KCNIP4: variants seen among roughly 807,000 people sequenced by gnomAD.
KCNIP4 encodes the protein Kv channel-interacting protein 4.
A neutral mutation model predicts 34.0 loss-of-function variants in KCNIP4; 12 were observed. That is an observed-to-expected ratio of 0.35 (90% CI 0.23 to 0.57). The LOEUF (loss-of-function observed/expected upper bound fraction) is 0.57. KCNIP4 is among the 20% of genes least tolerant of loss of function. KCNIP4 has a pLI of 0.83. For synonymous variants in KCNIP4, 124 were observed against 102.2 expected (o/e 1.21, Z -1.29); for missense variants, 238 against 311.7 (o/e 0.76, Z 1.78).
chr4:21,092,938 C>A (rs4574406), intron 1 of KCNIP4, among the ~76,000 whole-genome samples: 25,573 of 152,156 alleles, frequency 0.17, 2,220 homozygotes, highest in East Asian at 0.24. Context: ...GTATTTGATA[C>A]AAGGTAAAAT....
At chr4:21,220,249 C>T (rs376725825) in intron 1 of KCNIP4, among the ~76,000 whole-genome samples, 2 of 152,186 alleles carry the variant, frequency 1.3e-5, no homozygotes, top group Admixed American at 6.5e-5. Flanking sequence ...CCAGCTCTAA[C>T]CATGGGCACA....
intron 1 of KCNIP4, among the ~76,000 whole-genome samples, chr4:21,449,086 G>A (rs769567622): frequency 3.4e-4 from 52 of 152,164 alleles, no homozygotes; most frequent in Middle Eastern, 3.2e-3. Flanking sequence ...AGCAGTCAGG[G>A]GCCCAGGCCC....
intron 1 of KCNIP4, among the ~76,000 whole-genome samples, chr4:21,089,094 C>T (rs548413314): frequency 1.6e-4 from 24 of 152,208 alleles, no homozygotes; most frequent in African/African-American, 5.1e-4. Flanking sequence ...AAAATTTTAG[C>T]AAGTTTTACC....
intron 1 of KCNIP4, among the ~76,000 whole-genome samples, chr4:21,294,442 G>A (rs1763721944): frequency 6.6e-6 from 1 of 152,162 alleles, no homozygotes; most frequent in African/African-American, 2.4e-5. Context: ...CTGTGTACCA[G>A]TAAACCTTCC....
intron 1 of KCNIP4, among the ~76,000 whole-genome samples, chr4:21,047,593 G>C (rs375986294): frequency 5.3e-5 from 8 of 152,148 alleles, no homozygotes; most frequent in African/African-American, 1.9e-4. Context: ...CCAAACGTAT[G>C]TATCATCACC....
At chr4:20,864,166 A>G (rs1174990048) in intron 2 of KCNIP4, among the ~76,000 whole-genome samples, 2 of 71,670 alleles carry the variant, frequency 2.8e-5, no homozygotes, top group African/African-American at 6.9e-5. Flanking sequence ...ATACACATGT[A>G]TGTATACACA....
At chr4:20,913,349 G>A (rs1728506791) in intron 1 of KCNIP4, among the ~76,000 whole-genome samples, 1 of 152,114 alleles carries the variant, frequency 6.6e-6, no homozygotes, top group Non-Finnish European at 1.5e-5. Context: ...CATAAAGATA[G>A]AAAGCTGATG....
intron 1 of KCNIP4, among the ~76,000 whole-genome samples, chr4:21,863,051 C>T (rs1725187831): frequency 6.6e-6 from 1 of 151,886 alleles, no homozygotes; most frequent in African/African-American, 2.4e-5. Context: ...TTAATACCAC[C>T]AGTTTCATCA....
At chr4:21,400,500 T>TCTCCTCTCCTCTCCTCTCTTCTCCAC (rs1560369068) in intron 1 of KCNIP4, among the ~76,000 whole-genome samples, 2 of 103,286 alleles carry the variant, frequency 1.9e-5, no homozygotes, top group East Asian at 4.0e-4. Flanking sequence ...CTCCCCTCCC[T>TCTCCTCTCCTCTCCTCTCTTCTCCAC]TCCCCTCCCT....
intron 1 of KCNIP4, among the ~76,000 whole-genome samples, chr4:20,959,143 T>A (rs1345573887): frequency 6.6e-6 from 1 of 152,200 alleles, no homozygotes; most frequent in Non-Finnish European, 1.5e-5. Context: ...TCATGTGCAC[T>A]AAGGCTGCTA....
At chr4:21,036,533 A>G (rs1257161489) in intron 1 of KCNIP4, among the ~76,000 whole-genome samples, 1 of 152,176 alleles carries the variant, frequency 6.6e-6, no homozygotes, top group African/African-American at 2.4e-5. Flanking sequence ...AGAGTACTCT[A>G]TTTTGGCACT....
intron 1 of KCNIP4, among the ~76,000 whole-genome samples, chr4:21,153,378 G>T (rs958151472): frequency 6.6e-6 from 1 of 151,632 alleles, no homozygotes; most frequent in African/African-American, 2.4e-5. Context: ...TTTCTATTAT[G>T]AATGACATTG....
At chr4:21,028,301 G>C (rs1410039764) in intron 1 of KCNIP4, among the ~76,000 whole-genome samples, 1 of 152,144 alleles carries the variant, frequency 6.6e-6, no homozygotes, top group Non-Finnish European at 1.5e-5. Flanking sequence ...AAGAAGTAGA[G>C]TGAACCTTTT....
intron 1 of KCNIP4, among the ~76,000 whole-genome samples, chr4:21,219,870 C>T (rs189276753): frequency 3.8e-4 from 58 of 152,018 alleles, no homozygotes; most frequent in African/African-American, 1.2e-3. Flanking sequence ...TGGAAATTTT[C>T]AGAAAAAGAA....
chr4:20,909,094 A>G (rs925159925), intron 1 of KCNIP4, among the ~76,000 whole-genome samples: 50 of 152,340 alleles, frequency 3.3e-4, no homozygotes, highest in African/African-American at 1.1e-3. Flanking sequence ...AGGAATAAAT[A>G]TCGACCTCTG....
At chr4:20,829,059 AC>A (rs1486989083) in intron 3 of KCNIP4, among the ~76,000 whole-genome samples, 1 of 152,178 alleles carries the variant, frequency 6.6e-6, no homozygotes, top group Non-Finnish European at 1.5e-5. Context: ...TAGAGAAGAT[AC>A]GCTATAAACC....
intron 1 of KCNIP4, among the ~76,000 whole-genome samples, chr4:21,422,287 G>A (rs969224149): frequency 2.0e-5 from 3 of 149,984 alleles, no homozygotes; most frequent in Middle Eastern, 3.4e-3. Context: ...TGCAACCTCC[G>A]CCTCCTGGGT....
At chr4:20,752,892 A>C (rs1753892190) in intron 4 of KCNIP4, 1 of 152,208 alleles carries the variant, frequency 6.6e-6, no homozygotes, top group Admixed American at 6.5e-5. Flanking sequence ...ATATTTGTTA[A>C]AAGAGTGATT....
In KCNIP4 at chr4:20,814,087, C is replaced by A. The variant is rs184189696; in HGVS notation, c.288+36456G>T. 2.0e-5 allele frequency among the ~76,000 whole-genome samples: 3 copies of A among 152,240 alleles called. No individual in the cohort carries two copies. The East Asian group carries it at 5.8e-4, about 29-fold the overall frequency. ...TTTTCCTAGTTTTTTTTCTCTAGAA[C>A]CTCATCCACATCGTATGGTGCTGGG... On this transcript the variant is annotated intron_variant, in intron 3 of 8. Transcript: ENST00000382152.
Sources: gnomAD v4.1 joint callset for allele counts (sites outside exome capture counted in the v4.1 genomes callset) on GRCh38, gnomAD v4.1.1 for gene constraint, MANE v1.5 for transcripts, NCBI Gene and HGNC (gene_info 2026-07-23, HGNC 2026-07-21) for gene names.